The following AKAP13 variants were observed in gnomAD, a reference collection of about 807,000 sequenced individuals.
AKAP13 encodes the protein A-kinase anchoring protein 13.
In AKAP13, 80 loss-of-function variants were observed where a neutral mutation model predicts 264.5. The ratio of observed to expected loss-of-function variants is 0.30; its 90% CI spans 0.25 to 0.36. The LOEUF (loss-of-function observed/expected upper bound fraction) is 0.36, where lower values mean the gene tolerates loss of function less well. Among genes scored for constraint, AKAP13 ranks in the 10% least tolerant of loss-of-function variants. The probability of loss-of-function intolerance (pLI) is 1.00; values close to 1 mark genes in which losing one functional copy is unlikely to be tolerated. For missense variants in AKAP13, 3,712 were observed against 3,435.2 expected (o/e 1.08, Z -2.01); for synonymous variants, 1,380 against 1,250.2 (o/e 1.10, Z -2.19).
At chr15:85,437,710 G>A (rs1015911929) in intron 1 of AKAP13, among the ~76,000 whole-genome samples, 2 of 152,144 alleles carry the variant, frequency 1.3e-5, no homozygotes, top group Non-Finnish European at 2.9e-5. Context: ...CAGAGCCAAA[G>A]ACAAAAACCA....
chr15:85,654,519 T>C (rs1335118802), intron 10 of AKAP13, among the ~76,000 whole-genome samples: 1 of 152,172 alleles, frequency 6.6e-6, no homozygotes, highest in African/African-American at 2.4e-5. Flanking sequence ...ATAAATTTGA[T>C]ATTTTTCCTC....
intron 8 of AKAP13, chr15:85,627,726 G>T (rs2081491650): frequency 6.6e-6 from 1 of 152,176 alleles, no homozygotes; most frequent in African/African-American, 2.4e-5. Context: ...TTTAGCCTGG[G>T]TTATGAGGTT....
At chr15:85,739,219 A>T (rs1341192971) in intron 33 of AKAP13, among the ~76,000 whole-genome samples, 1 of 152,182 alleles carries the variant, frequency 6.6e-6, no homozygotes, top group African/African-American at 2.4e-5. Flanking sequence ...TTTTGAAAGG[A>T]GGTTTTGCAG....
At chr15:85,457,996 T>C (rs899428219) in intron 1 of AKAP13, among the ~76,000 whole-genome samples, 2 of 151,670 alleles carry the variant, frequency 1.3e-5, no homozygotes, top group Non-Finnish European at 2.9e-5. Flanking sequence ...AAAAATTAGC[T>C]GGGTGTGGTG....
chr15:85,716,944 G>A (rs868085242), intron 20 of AKAP13, among the ~76,000 whole-genome samples: 3 of 152,176 alleles, frequency 2.0e-5, no homozygotes, highest in Non-Finnish European at 4.4e-5. Context: ...GTTATCTAGA[G>A]AACAGAAAAA....
chr15:85,668,430 G>T (rs1369600443), intron 13 of AKAP13, among the ~76,000 whole-genome samples: 2 of 152,194 alleles, frequency 1.3e-5, no homozygotes, highest in Non-Finnish European at 2.9e-5. Flanking sequence ...CAGGGATGTT[G>T]TACCAGGAAC....
At chr15:85,531,449 A>G (rs2077239803) in intron 3 of AKAP13, among the ~76,000 whole-genome samples, 1 of 152,232 alleles carries the variant, frequency 6.6e-6, no homozygotes, top group South Asian at 2.1e-4. Flanking sequence ...GCTCTTGAAC[A>G]AAACTGAGTC....
chr15:85,718,863 C>T lies in AKAP13; in HGVS notation c.6002-213C>T, dbSNP rs896046924. ...TGCAATGAGCCATGACTTCAGCCTG[C>T]ACTTCAGCCTGGGTGACAGAGCCAG... On this transcript the variant is annotated intron_variant, in intron 22 of 36. Transcript: ENST00000394518. This position sits in a 1 kb window ranked among gnomAD's most constrained non-coding sequence, Gnocchi z 4.9. The T allele has an allele frequency of 5.5e-6, 3 of 549,888 alleles. No homozygotes were observed. Among genetic ancestry groups the T allele is most frequent in the African/African-American group, 3.8e-5 (2 of 52,302 alleles). 34.1% of individuals were successfully genotyped at this position (549,888 alleles called of 1,614,324 possible).
In AKAP13 at chr15:85,585,689, C is replaced by G. The variant is rs2079312357; in HGVS notation, c.4040-13C>G. The G allele has an allele frequency of 1.2e-6, 2 of 1,613,910 alleles. No individual in the cohort carries two copies. Among genetic ancestry groups the G allele is most frequent in the African/African-American group, 1.3e-5 (1 of 74,902 alleles). ...TTTTAAAAATGTACTCTGTAACCCC[C>G]CTGCACTTTCAGAAATGCCAGACGT... On this transcript the variant is annotated splice_polypyrimidine_tract_variant and intron_variant, in intron 7 of 36. Transcript: ENST00000394518.
chr15:85,534,234 T>A (rs2077321585), intron 4 of AKAP13: 1 of 309,490 alleles, frequency 3.2e-6, no homozygotes, highest in Non-Finnish European at 5.9e-6. Context: ...AGACATGGTT[T>A]TCATTATTGT....
intron 5 of AKAP13, among the ~76,000 whole-genome samples, chr15:85,553,848 A>G (rs8031343): frequency 0.35 from 52,453 of 151,966 alleles, 9,242 homozygotes; most frequent in South Asian, 0.43. Context: ...TGGAAACCGT[A>G]TCGTGAACTG....
At chr15:85,510,869 A>T (rs2076393268) in intron 2 of AKAP13, among the ~76,000 whole-genome samples, 1 of 152,202 alleles carries the variant, frequency 6.6e-6, no homozygotes, top group Non-Finnish European at 1.5e-5. Context: ...AAGTATTTTA[A>T]GTTTTGGCTG....
At chr15:85,633,473 G>C (rs908659310) in intron 8 of AKAP13, among the ~76,000 whole-genome samples, 1 of 150,494 alleles carries the variant, frequency 6.6e-6, no homozygotes, top group Non-Finnish European at 1.5e-5. Context: ...GTAAAATTTG[G>C]CTCATTGCAA....
intron 30 of AKAP13, among the ~76,000 whole-genome samples, chr15:85,732,699 T>C (rs1053742704): frequency 1.1e-4 from 16 of 150,272 alleles, no homozygotes; most frequent in Non-Finnish European, 1.9e-4. Flanking sequence ...ATATTTACTT[T>C]CTGGCTTTAT....
chr15:85,650,810 C>CTGTG (rs1325792124), intron 10 of AKAP13, among the ~76,000 whole-genome samples: 1 of 126,106 alleles, frequency 7.9e-6, no homozygotes, highest in Non-Finnish European at 1.7e-5. Flanking sequence ...CTGCAATTGC[C>CTGTG]TGTGCACAAG....
At chr15:85,669,550 T>A (rs2083801838) in intron 13 of AKAP13, among the ~76,000 whole-genome samples, 172 bp from the exon 14 acceptor site, 1 of 152,352 alleles carries the variant, frequency 6.6e-6, no homozygotes, top group Non-Finnish European at 1.5e-5. Context: ...GAGCAGCTGT[T>A]AAGTAGCAGG....
intron 33 of AKAP13, among the ~76,000 whole-genome samples, chr15:85,739,255 C>T (rs1048740979): frequency 6.6e-5 from 10 of 152,236 alleles, no homozygotes; most frequent in Non-Finnish European, 1.5e-4. Flanking sequence ...ATTAGACATA[C>T]AAATGCTCAT....
chr15:85,520,498 CAAAAAAAAA>C (rs71468111), intron 2 of AKAP13, among the ~76,000 whole-genome samples: 1 of 71,294 alleles, frequency 1.4e-5, no homozygotes, highest in Non-Finnish European at 3.0e-5. Flanking sequence ...AACTCCGTCT[CAAAAAAAAA>C]AAAAAAAAAA....
chr15:85,608,915 A>G (rs755685988), intron 8 of AKAP13, among the ~76,000 whole-genome samples: 8 of 152,212 alleles, frequency 5.3e-5, no homozygotes, highest in Non-Finnish European at 1.0e-4. Flanking sequence ...TCTTTGTTCA[A>G]ACATCTTCAC....
Sources: allele counts gnomAD v4.1 joint callset (sites outside exome capture counted in the v4.1 genomes callset), GRCh38; gene constraint gnomAD v4.1.1; non-coding constraint Gnocchi (gnomAD v3.1); transcripts MANE v1.5; gene names NCBI Gene and HGNC (gene_info 2026-07-23, HGNC 2026-07-21).